Variants in ATP2B3 observed in about 807,000 individuals in gnomAD.
ATP2B3 encodes the protein ATPase plasma membrane Ca2+ transporting 3.
In ATP2B3, 12 loss-of-function variants were observed where a neutral mutation model predicts 70.8. That is an observed-to-expected ratio of 0.17 (90% CI 0.11 to 0.27). The LOEUF (loss-of-function observed/expected upper bound fraction) is 0.27, where lower values mean the gene tolerates loss of function less well. Ranked by LOEUF, ATP2B3 falls within the 10% of genes least tolerant of loss-of-function variation. The probability of loss-of-function intolerance (pLI) is 1.00; values close to 1 mark genes in which losing one functional copy is unlikely to be tolerated. For synonymous variants in ATP2B3, 460 were observed against 497.8 expected, an observed-to-expected ratio of 0.92 and a Z score of 1.01; for missense variants, 858 against 1,118.5, an observed-to-expected ratio of 0.77 and a Z score of 3.32.
At chrX:153,565,620 G>A (rs180784678) in intron 21 of ATP2B3, among the ~76,000 whole-genome samples, 87 of 112,523 alleles carry the variant, frequency 7.7e-4, no homozygotes, top group African/African-American at 2.7e-3. Context: ...CAAGGGTTAG[G>A]GCCGGCCAAG....
intron 3 of ATP2B3, among the ~76,000 whole-genome samples, chrX:153,541,108 CAGG>C (rs782391254): frequency 9.7e-4 from 109 of 112,240 alleles, no homozygotes; most frequent in African/African-American, 3.4e-3. Context: ...ATCTGTGTGT[CAGG>C]AGGAGGATGG....
At chrX:153,550,424 A>G in intron 12 of ATP2B3, 138 bp downstream of exon 12, 2 of 973,468 alleles carry the variant, frequency 2.1e-6, no homozygotes, top group Non-Finnish European at 2.8e-6. Context: ...CACGTTCACA[A>G]TATCATGCAA....
chrX:153,529,319 G>T (rs1174905829), intron 2 of ATP2B3, among the ~76,000 whole-genome samples: 2 of 112,187 alleles, frequency 1.8e-5, no homozygotes, highest in Admixed American at 1.9e-4. Context: ...AGGCTGCAGG[G>T]TGGGGGTAGG....
intron 20 of ATP2B3, among the ~76,000 whole-genome samples, chrX:153,562,940 C>A (rs782396090): frequency 2.7e-5 from 3 of 111,387 alleles, no homozygotes; most frequent in Admixed American, 1.9e-4. Context: ...ACTCTGTGCT[C>A]ACATGGTGGA....
intron 2 of ATP2B3, among the ~76,000 whole-genome samples, chrX:153,531,088 G>T (rs2090110629): frequency 8.9e-6 from 1 of 112,931 alleles, no homozygotes; most frequent in African/African-American, 3.2e-5. Flanking sequence ...AGGGGGCAGG[G>T]GCGGGCAGGA....
intron 17 of ATP2B3, 146 bp from the exon 18 acceptor site, chrX:153,559,583 G>A (rs782477199): frequency 3.8e-5 from 19 of 500,949 alleles, no homozygotes; most frequent in East Asian, 2.9e-4. Context: ...GCGTAAAGGC[G>A]ATGTAGGGAT....
rs782559125 is a variant in ATP2B3 at position 153,553,100 on chromosome X, T to C, written c.1889T>C (p.Met630Thr). 1.2e-5 allele frequency: 15 copies of C among 1,207,825 alleles called. No homozygotes were observed. Among genetic ancestry groups the C allele is most frequent in the South Asian group, 3.5e-5 (2 of 56,759 alleles). The change falls in exon 13 of 22, where the codon ATG becomes ACG. Residue 630 changes from methionine to threonine, a missense_variant. Coordinates refer to ENST00000263519, the MANE Select transcript of ATP2B3 (RefSeq NM_001001344.3). ...RGFRPRDRDDMVRKIIEPMAC... is the reference protein window; with the variant it reads ...RGFRPRDRDDTVRKIIEPMAC... ...TTTCGGCCTCGGGACCGGGACGACA[T>C]GGTGAGGAAGATCATCGAGCCGATG...
Position 153,541,549 on chromosome X carries a change from G to A in ATP2B3, c.399G>A (p.Glu133=). 1 of 1,211,503 alleles carries A rather than the reference G, an allele frequency of 8.3e-7. No homozygotes were observed. Among genetic ancestry groups the A allele is most frequent in the Non-Finnish European group, 1.1e-6 (1 of 895,429 alleles). ...GLSFYAPPGE[E]SEACGNVSGG... The stretch of plus-strand genomic sequence containing the variant: ...CGTTCTATGCGCCGCCAGGAGAGGA[G>A]AGTGAAGGTAAGGCCCGGGGGCCTG... The change falls in exon 4 of 22, where the codon GAG becomes GAA. Residue 133 remains glutamate (E), a synonymous_variant. Transcript: ENST00000263519.
rs1422702136 is a variant in ATP2B3 at position 153,544,109 on chromosome X, G to A, written c.916+941G>A. 3.6e-5 allele frequency among the ~76,000 whole-genome samples: 4 copies of A among 112,516 alleles called. No individual in the cohort carries two copies. The Admixed American group carries it at 3.7e-4, about 10-fold the overall frequency. ...GCCTGGGCCTGTGTCTCCCTGCACC[G>A]GCTCTTCTTTGTGGCACCAAGTCCT... is the stretch of plus-strand genomic sequence containing the variant. On this transcript the variant is annotated intron_variant, in intron 7 of 21. Transcript: ENST00000263519.
At chrX:153,567,629 C>T (rs971883577) in intron 21 of ATP2B3, among the ~76,000 whole-genome samples, 3 of 112,758 alleles carry the variant, frequency 2.7e-5, no homozygotes, top group Admixed American at 9.3e-5. Flanking sequence ...ATGTGGGGGC[C>T]GCTGCAGCCT....
intron 18 of ATP2B3, among the ~76,000 whole-genome samples, 159 bp downstream of exon 18, chrX:153,560,101 G>A (rs2081992848): frequency 1.8e-5 from 2 of 111,886 alleles, no homozygotes; most frequent in South Asian, 7.5e-4. Context: ...AGGAGCAGAT[G>A]GGCCAGGCTA....
At chrX:153,525,289 C>T (rs781841411) in intron 2 of ATP2B3, among the ~76,000 whole-genome samples, 21 of 112,442 alleles carry the variant, frequency 1.9e-4, no homozygotes, top group African/African-American at 6.1e-4. Context: ...GGTTAAGGCG[C>T]ATGGAGTGGC....
At chrX:153,531,312 C>T (rs2090114349) in intron 2 of ATP2B3, among the ~76,000 whole-genome samples, 1 of 113,360 alleles carries the variant, frequency 8.8e-6, no homozygotes, top group African/African-American at 3.2e-5. Flanking sequence ...GCCTGACCTA[C>T]GAGGCCTGGG....
At chrX:153,530,463 C>T (rs1417500436) in intron 2 of ATP2B3, among the ~76,000 whole-genome samples, 1 of 112,705 alleles carries the variant, frequency 8.9e-6, no homozygotes, top group African/African-American at 3.2e-5. Context: ...AATCGGGCAA[C>T]CTCCTGGGCT....
At chrX:153,559,994 C>T (rs782383644) in intron 18 of ATP2B3, 52 bp downstream of exon 18, 1 of 1,130,265 alleles carries the variant, frequency 8.8e-7, no homozygotes, top group Non-Finnish European at 1.2e-6. Context: ...TTGCCACCAC[C>T]TCGGGCTCAG....
chrX:153,539,353 G>A (rs1025511503), intron 3 of ATP2B3, among the ~76,000 whole-genome samples: 7 of 112,916 alleles, frequency 6.2e-5, no homozygotes, highest in African/African-American at 1.3e-4. Context: ...AGAGAGGCAC[G>A]GACAGCTGCG....
intron 19 of ATP2B3, among the ~76,000 whole-genome samples, chrX:153,561,372 G>C (rs2090621659): frequency 8.9e-6 from 1 of 112,366 alleles, no homozygotes; most frequent in Non-Finnish European, 1.9e-5. Flanking sequence ...CTAAAATATA[G>C]TGTATTTGTA....
chrX:153,546,965 C>T (rs1476298676), intron 8 of ATP2B3, among the ~76,000 whole-genome samples: 1 of 112,054 alleles, frequency 8.9e-6, no homozygotes, highest in African/African-American at 3.2e-5. Flanking sequence ...GAAGAGGAGC[C>T]GTGGCGAATG....
At chrX:153,552,671 G>C (rs1378145487) in intron 12 of ATP2B3, among the ~76,000 whole-genome samples, 1 of 112,580 alleles carries the variant, frequency 8.9e-6, no homozygotes, top group East Asian at 2.8e-4. Context: ...AGCAGTGCAT[G>C]AGCGTCCTGG....
Sources: allele counts gnomAD v4.1 joint callset (sites outside exome capture counted in the v4.1 genomes callset), GRCh38; gene constraint gnomAD v4.1.1; transcripts MANE v1.5; gene names NCBI Gene and HGNC (gene_info 2026-07-23, HGNC 2026-07-21).